KLHL24: variants seen among roughly 807,000 people sequenced by gnomAD.
The protein encoded by KLHL24 is kelch-like protein 24.
In KLHL24, 29 loss-of-function variants were observed where a neutral mutation model predicts 53.4. That is an observed-to-expected ratio of 0.54 (90% CI 0.40 to 0.74). The LOEUF (loss-of-function observed/expected upper bound fraction) is 0.74. Ranked by LOEUF, KLHL24 falls within the 30% of genes least tolerant of loss-of-function variation. The pLI is 0.00. For synonymous variants in KLHL24, 222 were observed against 253.7 expected (o/e 0.88, Z 1.19); for missense variants, 504 against 744.0 (o/e 0.68, Z 3.75).
chr3:183,664,142 T>C (rs1437996892), intron 4 of KLHL24: 1 of 152,070 alleles, frequency 6.6e-6, no homozygotes, highest in Non-Finnish European at 1.5e-5. Context: ...AGGTACAAGA[T>C]GACATGGAAT....
intron 7 of KLHL24, among the ~76,000 whole-genome samples, chr3:183,678,508 T>C (rs1276829718): frequency 7.3e-6 from 1 of 137,672 alleles, no homozygotes; most frequent in African/African-American, 3.2e-5. Context: ...ATTACTAACA[T>C]ATAATCTTTT....
At chr3:183,670,883 A>G in intron 5 of KLHL24, 151 bp from the exon 6 acceptor site, 1 of 589,314 alleles carries the variant, frequency 1.7e-6, no homozygotes, top group Non-Finnish European at 3.0e-6. Flanking sequence ...ATGATTTTTT[A>G]AAAGGTTCAG....
intron 3 of KLHL24, among the ~76,000 whole-genome samples, chr3:183,652,897 G>A (rs1166931556): frequency 1.3e-5 from 2 of 152,070 alleles, no homozygotes; most frequent in Admixed American, 1.3e-4. Flanking sequence ...TACTCAGCCT[G>A]CATATCTCAT....
chr3:183,645,381 CT>C (rs534173091), intron 2 of KLHL24, among the ~76,000 whole-genome samples: 149 of 152,272 alleles, frequency 9.8e-4, no homozygotes, highest in African/African-American at 3.2e-3. Context: ...GATAGATACG[CT>C]ACTGCTCATG....
rs1035422007 is a variant in KLHL24 at position 183,682,672 on chromosome 3, T to G, written c.*3386T>G. On this transcript the variant is annotated 3_prime_UTR_variant, in exon 8 of 8. Transcript: ENST00000242810. ...GTTTTGTGGACTGATACATTTTATC[T>G]TACTGAATATGAATTGTTTATGTAT... The G allele has an allele frequency of 6.6e-6, 1 of 152,628 alleles. No individual in the cohort carries two copies. The allele number at this position is 152,628 out of a possible 1,614,324, so 9.5% of individuals were successfully genotyped here. A position where few individuals can be genotyped will look rare whatever the true frequency, so the allele number is the denominator to read the frequency against.
intron 1 of KLHL24, among the ~76,000 whole-genome samples, chr3:183,642,432 T>C (rs568130708): frequency 6.6e-6 from 1 of 152,016 alleles, no homozygotes; most frequent in Non-Finnish European, 1.5e-5. Flanking sequence ...TTATATTTGG[T>C]TTTGGAATCA....
At chr3:183,664,364 C>T (rs1720228859) in intron 4 of KLHL24, among the ~76,000 whole-genome samples, 1 of 152,026 alleles carries the variant, frequency 6.6e-6, no homozygotes, top group Non-Finnish European at 1.5e-5. Context: ...TTAACTTGAA[C>T]TTCTTTATGA....
intron 5 of KLHL24, among the ~76,000 whole-genome samples, chr3:183,666,370 C>G (rs1320949178): frequency 1.3e-5 from 2 of 152,094 alleles, no homozygotes; most frequent in African/African-American, 4.8e-5. Context: ...CAAACTATCC[C>G]TTCTACGTCA....
Position 183,650,879 on chromosome 3 carries a change from G to A in KLHL24, c.523G>A (p.Ala175Thr). The stretch of plus-strand genomic sequence containing the variant: ...TAATTGCTTAGGAATCCAGCGCTTT[G>A]CTGATACCCATTCACTCAAAACACT... Reference protein sequence around the residue: ...PCNCLGIQRFADTHSLKTLFT... With the variant: ...PCNCLGIQRFTDTHSLKTLFT... The change falls in exon 3 of 8, where the codon GCT becomes ACT. Residue 175 changes from alanine (A) to threonine (T), a missense_variant. Ala to Thr is a moderately conservative substitution (Grantham distance 58). Coordinates refer to ENST00000242810, the MANE Select transcript of KLHL24 (RefSeq NM_017644.3). This position sits in a 1 kb window ranked among gnomAD's most constrained non-coding sequence, Gnocchi z 4.5. 6.2e-7 allele frequency: 1 copy of A among 1,614,096 alleles called. No homozygotes were observed. The highest frequency in any genetic ancestry group is 8.5e-7 in the Non-Finnish European group (1 of 1,180,030).
At chr3:183,664,877 A>G (rs1373499349) in intron 4 of KLHL24, 44 bp from the exon 5 acceptor site, 1 of 1,091,816 alleles carries the variant, frequency 9.2e-7, no homozygotes, top group Non-Finnish European at 1.4e-6. Context: ...GGTGACAGCT[A>G]TATCATGATA....
chr3:183,674,366 C>G (rs949569176), intron 7 of KLHL24, among the ~76,000 whole-genome samples: 10 of 146,960 alleles, frequency 6.8e-5, no homozygotes, highest in Non-Finnish European at 1.2e-4. Context: ...TCCTTTCTTT[C>G]TTTCTTTTTT....
Position 183,680,486 on chromosome 3 carries a change from G to A in KLHL24, c.*1200G>A, listed in dbSNP as rs1211643745. ...AAAGCAGGGACCACCTATCTCAGTG[G>A]GTCCATTTTTCTTTTAAAATTAGTT... On this transcript the variant is annotated 3_prime_UTR_variant, in exon 8 of 8. Transcript: ENST00000242810. The A allele has an allele frequency of 6.6e-6, 1 of 151,964 alleles. No homozygotes were observed. The highest frequency in any genetic ancestry group is 2.4e-5 in the African/African-American group (1 of 41,366). The allele number at this position is 151,964 out of a possible 1,614,324, so 9.4% of individuals were successfully genotyped here. A position where few individuals can be genotyped will look rare whatever the true frequency, so the allele number is the denominator to read the frequency against.
chr3:183,636,610 G>C (rs1371186841), intron 1 of KLHL24: 4 of 152,348 alleles, frequency 2.6e-5, no homozygotes, highest in Non-Finnish European at 5.9e-5. Flanking sequence ...GGTGAAGACT[G>C]TTAACGCGGC....
At position 183,657,351 on chromosome 3, in the gene KLHL24, T is replaced by C. The variant is rs545752091; in HGVS notation, c.920+6075T>C. Among the ~76,000 whole-genome samples, 8 of 152,330 alleles carry C rather than the reference T, an allele frequency of 5.3e-5. No individual in the cohort carries two copies. In the South Asian group the frequency reaches 1.4e-3, roughly 28 times the overall value. On this transcript the variant is annotated intron_variant, in intron 3 of 7. Transcript: ENST00000242810. ...ACTGAGCAACAGACATAGCTAAGAC[T>C]TAATAAGTTCATCATTTTGAGGTTG...
At chr3:183,661,423 A>G (rs1417587645) in intron 3 of KLHL24, among the ~76,000 whole-genome samples, 1 of 152,148 alleles carries the variant, frequency 6.6e-6, no homozygotes, top group East Asian at 1.9e-4. Flanking sequence ...TCCCTGCCTG[A>G]GATAAGTATT....
chr3:183,675,094 A>G (rs186313206), intron 7 of KLHL24, among the ~76,000 whole-genome samples: 20 of 152,144 alleles, frequency 1.3e-4, no homozygotes, highest in Admixed American at 5.9e-4. Context: ...TGAGGACACT[A>G]TTTCTTCTAA....
chr3:183,650,176 G>A lies in KLHL24; in HGVS notation c.-61-120G>A. On this transcript the variant is annotated intron_variant, in intron 2 of 7. Transcript: ENST00000242810. This position sits in a 1 kb window ranked among gnomAD's most constrained non-coding sequence, Gnocchi z 4.5. ...GTTTTTATTAACATGAGATAGTGCT[G>A]TGTACCCTATATGAAATATATTATG... is the stretch of plus-strand genomic sequence containing the variant. 3.4e-6 allele frequency: 2 copies of A among 581,780 alleles called. No individual in the cohort carries two copies. The highest frequency in any genetic ancestry group is 1.9e-5 in the African/African-American group (1 of 53,746). The allele number at this position is 581,780 out of a possible 1,614,324, so 36.0% of individuals were successfully genotyped here. A position where few individuals can be genotyped will look rare whatever the true frequency, so the allele number is the denominator to read the frequency against.
rs1720079109 is a variant in KLHL24, at chr3:183,663,419, T to G, written c.921-39T>G. ...TCTGGAGTATATTTTAATGTAATAT[T>G]ATTATATTATTTATGTACGCTAATA... On this transcript the variant is annotated intron_variant, in intron 3 of 7. Transcript: ENST00000242810. This position sits in a 1 kb window ranked among gnomAD's most constrained non-coding sequence, Gnocchi z 4.9. 9.6e-7 allele frequency: 1 copy of G among 1,045,296 alleles called. No homozygotes were observed. Among genetic ancestry groups the G allele is most frequent in the South Asian group, 2.5e-5 (1 of 39,542 alleles). The allele number at this position is 1,045,296 out of a possible 1,614,324, so 64.8% of individuals were successfully genotyped here.
chr3:183,651,351 T>C lies in KLHL24; in HGVS notation c.920+75T>C, dbSNP rs9811583. On this transcript the variant is annotated intron_variant, in intron 3 of 7. Transcript: ENST00000242810. ...TTAAACCTCCTGAATGCAATCTCAG[T>C]GTTGTCATTTATATGCACTGTCTAC... is the stretch of plus-strand genomic sequence containing the variant. 2,082 of 1,029,504 alleles carry C rather than the reference T, an allele frequency of 2.0e-3. 25 individuals are homozygous for C. In the African/African-American group the frequency reaches 0.03, roughly 15 times the overall value. The allele number at this position is 1,029,504 out of a possible 1,614,324, so 63.8% of individuals were successfully genotyped here.
Sources: gnomAD v4.1 joint callset for allele counts (sites outside exome capture counted in the v4.1 genomes callset) on GRCh38, gnomAD v4.1.1 for gene constraint, Gnocchi (gnomAD v3.1) non-coding constraint, MANE v1.5 for transcripts, NCBI Gene and HGNC (gene_info 2026-07-23, HGNC 2026-07-21) for gene names.